The following GOT1L1 variants were observed in gnomAD, a reference collection of about 807,000 sequenced individuals.
The protein encoded by GOT1L1 is glutamic-oxaloacetic transaminase 1 like 1.
Under a neutral mutation model 43.6 loss-of-function variants are expected in GOT1L1, and 38 were observed. That is an observed-to-expected ratio of 0.87 (90% CI 0.67 to 1.14). GOT1L1 has a LOEUF of 1.14. Ranked by LOEUF, GOT1L1 falls within the 50% of genes most tolerant of loss-of-function variation. The pLI is 0.00. For synonymous variants in GOT1L1, 183 were observed against 187.2 expected (o/e 0.98, Z 0.18); for missense variants, 482 against 504.0 (o/e 0.96, Z 0.42).
At chr8:37,939,172 C>T (rs781637280) in intron 1 of GOT1L1, among the ~76,000 whole-genome samples, 8 of 151,756 alleles carry the variant, frequency 5.3e-5, no homozygotes, top group Non-Finnish European at 7.4e-5. Flanking sequence ...CCCAGCACTT[C>T]GGGAGGCTAA....
At chr8:37,939,725 G>A (rs868137641) in intron 1 of GOT1L1, among the ~76,000 whole-genome samples, 190 bp downstream of exon 1, 22 of 151,848 alleles carry the variant, frequency 1.4e-4, no homozygotes, top group African/African-American at 4.6e-4. Context: ...CCCAGAGAAG[G>A]GCAGAGAGCA....
In GOT1L1 at chr8:37,935,074, G is replaced by A. The variant is rs1253641910; in HGVS notation, c.1071C>T (p.Asn357=). The change falls in exon 8 of 9, where the codon AAC becomes AAT. Residue 357 remains asparagine, a splice_region_variant and synonymous_variant. Coordinates refer to ENST00000307599, the MANE Select transcript of GOT1L1 (RefSeq NM_152413.3). ...QSGTHGYLGL[N]SQQVEYLVRK... ...GACACCAGCCCCCTAGACCCTTACA[G>A]TTGAGTCCAAGATAGCCGTGGGTCC... is the stretch of plus-strand genomic sequence containing the variant. The A allele has an allele frequency of 2.5e-6, 4 of 1,613,894 alleles. No individual in the cohort carries two copies. The African/African-American group carries it at 4.0e-5, about 16-fold the overall frequency.
chr8:37,939,429 AAAATATATATATATATAT>A (rs59721629), intron 1 of GOT1L1, among the ~76,000 whole-genome samples: 1,105 of 52,750 alleles, frequency 0.021, 96 homozygotes, highest in African/African-American at 0.076. Context: ...AAAAAAAAAA[AAAATATATATATATATAT>A]ATATATATAT....
chr8:37,935,146 C>G lies in GOT1L1; in HGVS notation c.999G>C (p.Gln333His), dbSNP rs1326859698. The G allele has an allele frequency of 1.2e-6, 2 of 1,612,888 alleles. No homozygotes were observed. The highest frequency in any genetic ancestry group is 3.3e-5 in the Admixed American group (2 of 59,780). ...CCCAGGACCCAGGGGTTCCCAGGAG[C>G]TGGAGTTTCTCCTTCACTTTTTCCT... is the stretch of plus-strand genomic sequence containing the variant. ...LTKEKVKEKLQLLGTPGSWGH... is the reference protein window; with the variant it reads ...LTKEKVKEKLHLLGTPGSWGH... The change falls in exon 8 of 9, where the codon CAG becomes CAC. Residue 333 changes from glutamine to histidine, a missense_variant. Transcript: ENST00000307599.
At chr8:37,936,622 T>C in intron 6 of GOT1L1, 98 bp downstream of exon 6, 1 of 1,128,710 alleles carries the variant, frequency 8.9e-7, no homozygotes, top group Non-Finnish European at 1.3e-6. Flanking sequence ...CTAGAGTCCT[T>C]GGCTCCCTCC....
intron 6 of GOT1L1, among the ~76,000 whole-genome samples, chr8:37,936,272 G>C (rs117779561): frequency 2.0e-5 from 3 of 151,702 alleles, no homozygotes; most frequent in Non-Finnish European, 4.4e-5. Context: ...TCAGCCCCCC[G>C]GGTGGGTAGG....
In GOT1L1 at chr8:37,937,435, C is replaced by T. The variant is rs369022055; in HGVS notation, c.410-49G>A. 4.2e-5 allele frequency: 55 copies of T among 1,295,548 alleles called. No homozygotes were observed. The African/African-American group carries it at 5.1e-4, about 12-fold the overall frequency. The allele number at this position is 1,295,548 out of a possible 1,614,324, so 80.3% of individuals were successfully genotyped here. A position where few individuals can be genotyped will look rare whatever the true frequency, so the allele number is the denominator to read the frequency against. On this transcript the variant is annotated intron_variant, in intron 3 of 8. Transcript: ENST00000307599. ...AGCTGGTACATGGGAAACAGAGAGACGGAGACAGAGGTACTGGAGTGTGGG... is the reference window on the plus strand; with the variant it reads ...AGCTGGTACATGGGAAACAGAGAGATGGAGACAGAGGTACTGGAGTGTGGG...
chr8:37,939,258 A>G (rs1340126692), intron 1 of GOT1L1, among the ~76,000 whole-genome samples: 2 of 150,926 alleles, frequency 1.3e-5, no homozygotes, highest in Non-Finnish European at 3.0e-5. Context: ...CTACAAAAAA[A>G]TACAAAACAG....
At position 37,940,053 on chromosome 8, in the gene GOT1L1, G is replaced by A. The variant is rs1156735693; in HGVS notation, c.-24C>T. The A allele has an allele frequency of 6.2e-7, 1 of 1,604,882 alleles. No individual in the cohort carries two copies. The highest frequency in any genetic ancestry group is 8.5e-7 in the Non-Finnish European group (1 of 1,175,302). On this transcript the variant is annotated 5_prime_UTR_variant, in exon 1 of 9. Transcript: ENST00000307599. The stretch of plus-strand genomic sequence containing the variant: ...ATAACTGAAACGAAACTGGAGCCAA[G>A]ACTATGTGTCTCTGCTCCTGTGTTC...
At chr8:37,939,441 T>C (rs1261978108) in intron 1 of GOT1L1, among the ~76,000 whole-genome samples, 5 of 28,642 alleles carry the variant, frequency 1.7e-4, no homozygotes, top group African/African-American at 1.1e-3. Flanking sequence ...AATATATATA[T>C]ATATATATAT....
Position 37,940,124 on chromosome 8 carries a change from T to C in GOT1L1, c.-95A>G. The C allele has an allele frequency of 6.9e-7, 1 of 1,444,646 alleles. No homozygotes were observed. The highest frequency in any genetic ancestry group is 9.2e-7 in the Non-Finnish European group (1 of 1,083,986). 89.5% of individuals were successfully genotyped at this position (1,444,646 alleles called of 1,614,324 possible). Reference sequence around the variant, plus strand: ...CCTCCAAGGCTGGGCCGGGCAGTCCTGCCTCTTCCTGGAACCTTGGCAGCC... The same window carrying C: ...CCTCCAAGGCTGGGCCGGGCAGTCCCGCCTCTTCCTGGAACCTTGGCAGCC... On this transcript the variant is annotated 5_prime_UTR_variant, in exon 1 of 9. Transcript: ENST00000307599.
intron 2 of GOT1L1, 40 bp from the exon 3 acceptor site, chr8:37,937,789 G>T: frequency 7.3e-7 from 1 of 1,377,504 alleles, no homozygotes; most frequent in Non-Finnish European, 1.0e-6. Context: ...CAGGTGTGGT[G>T]GCTCACACCT....
At chr8:37,939,210 T>C (rs1344872427) in intron 1 of GOT1L1, among the ~76,000 whole-genome samples, 2 of 149,346 alleles carry the variant, frequency 1.3e-5, no homozygotes, top group African/African-American at 4.9e-5. Flanking sequence ...AGTTCAGGAG[T>C]TCAAGATCAG....
At chr8:37,935,973 C>G in intron 6 of GOT1L1, 104 bp from the exon 7 acceptor site, 1 of 1,319,986 alleles carries the variant, frequency 7.6e-7, no homozygotes, top group African/African-American at 1.5e-5. Flanking sequence ...GGTTGAACCA[C>G]AAGGCCCTCA....
chr8:37,938,934 G>A, intron 1 of GOT1L1, 53 bp from the exon 2 acceptor site: 1 of 1,547,086 alleles, frequency 6.5e-7, no homozygotes, highest in Non-Finnish European at 8.9e-7. Context: ...GGCCCCCAGG[G>A]CTGAGCTCTG....
At position 37,936,573 on chromosome 8, in the gene GOT1L1, A is replaced by G. The variant is rs747537382; in HGVS notation, c.763+147T>C. ...AGATTTAGTAACAGAACCAAATTCT[A>G]GCTCAGTGCTCCCCACTTCTGCTTC... On this transcript the variant is annotated intron_variant, in intron 6 of 8. Transcript: ENST00000307599. The G allele has an allele frequency of 1.4e-4, 95 of 656,542 alleles. 1 individual carries two copies. The highest frequency in any genetic ancestry group is 1.6e-4 in the Non-Finnish European group (66 of 402,154). 40.7% of individuals were successfully genotyped at this position (656,542 alleles called of 1,614,324 possible).
chr8:37,938,411 A>G (rs1416258775), intron 2 of GOT1L1, among the ~76,000 whole-genome samples: 3 of 152,142 alleles, frequency 2.0e-5, no homozygotes, highest in African/African-American at 2.4e-5. Context: ...AATATATATA[A>G]TAGGTTAAAA....
chr8:37,935,745 G>A lies in GOT1L1; in HGVS notation c.888C>T (p.Val296=). The A allele has an allele frequency of 6.2e-7, 1 of 1,609,138 alleles. No homozygotes were observed. Among genetic ancestry groups the A allele is most frequent in the Non-Finnish European group, 8.5e-7 (1 of 1,177,826 alleles). The change falls in exon 7 of 9, where the codon GTC becomes GTT. Residue 296 remains valine, a synonymous_variant. Coordinates refer to ENST00000307599, the MANE Select transcript of GOT1L1 (RefSeq NM_152413.3). ...CAGGGTTGCAGAGGATGGAGGTGAT[G>A]ACACGTGCACCCGTGTTGGGGGGGT... ...WLNPPNTGAR[V]ITSILCNPAL...
intron 1 of GOT1L1, among the ~76,000 whole-genome samples, chr8:37,939,416 GAA>G (rs4058283): frequency 0.012 from 251 of 21,362 alleles, 2 homozygotes; most frequent in Admixed American, 0.013. Flanking sequence ...CCTGTCTCAA[GAA>G]AAAAAAAAAA....
Sources: gnomAD v4.1 joint callset for allele counts (sites outside exome capture counted in the v4.1 genomes callset) on GRCh38, gnomAD v4.1.1 for gene constraint, MANE v1.5 for transcripts, NCBI Gene and HGNC (gene_info 2026-07-23, HGNC 2026-07-21) for gene names.